BNC2: variants seen among roughly 807,000 people sequenced by gnomAD.
The protein encoded by BNC2 is zinc finger protein basonuclin-2.
Under a neutral mutation model 76.3 loss-of-function variants are expected in BNC2, and 20 were observed. The observed-to-expected ratio is 0.26, with a 90% CI of 0.18 to 0.38. The LOEUF is 0.38. BNC2 is among the 10% of genes least tolerant of loss of function. BNC2 has a pLI of 1.00. For synonymous variants in BNC2, 582 were observed against 514.8 expected (o/e 1.13, Z -1.77); for missense variants, 1,382 against 1,399.8 (o/e 0.99, Z 0.20).
chr9:16,499,297 G>C (rs1563811813), intron 5 of BNC2, among the ~76,000 whole-genome samples: 1 of 152,010 alleles, frequency 6.6e-6, no homozygotes, highest in Non-Finnish European at 1.5e-5. Context: ...TCAATGTGGA[G>C]GTTACTGCTT....
Position 16,548,715 on chromosome 9 carries a change from T to C in BNC2, c.669+3815A>G, listed in dbSNP as rs919531685. On this transcript the variant is annotated intron_variant, in intron 5 of 6. Coordinates refer to ENST00000380672, the MANE Select transcript of BNC2 (RefSeq NM_017637.6). ...CCACCACGCCTGGCCAGAATTATTC[T>C]TTAGTAGTAGAAAAACATCATATTC... is the stretch of plus-strand genomic sequence containing the variant. Among the ~76,000 whole-genome samples, 33 of 152,230 alleles carry C rather than the reference T, an allele frequency of 2.2e-4. 1 individual carries two copies. Among genetic ancestry groups the C allele is most frequent in the Non-Finnish European group, 1.3e-4 (9 of 68,040 alleles).
intron 5 of BNC2, among the ~76,000 whole-genome samples, chr9:16,539,759 GAAA>G: frequency 1.1e-5 from 1 of 90,444 alleles, no homozygotes; most frequent in South Asian, 5.1e-4. Context: ...GGAAGGAAAG[GAAA>G]GGAAAAGAAA....
At chr9:16,712,864 G>A (rs1166109436) in intron 3 of BNC2, among the ~76,000 whole-genome samples, 2 of 152,206 alleles carry the variant, frequency 1.3e-5, no homozygotes, top group African/African-American at 4.8e-5. Context: ...TAGCTTTAGG[G>A]TGACCTTTGC....
At chr9:16,801,598 C>T (rs1018133155) in intron 1 of BNC2, among the ~76,000 whole-genome samples, 1 of 152,006 alleles carries the variant, frequency 6.6e-6, no homozygotes. Context: ...ACCTCAAGTA[C>T]TTAACCTAGA....
intron 5 of BNC2, among the ~76,000 whole-genome samples, chr9:16,512,860 G>A (rs536380436): frequency 6.6e-6 from 1 of 152,098 alleles, no homozygotes; most frequent in Non-Finnish European, 1.5e-5. Context: ...ATATGGCTGG[G>A]CGTGGTGGCT....
intron 1 of BNC2, among the ~76,000 whole-genome samples, chr9:16,809,227 T>A (rs1322753672): frequency 1.3e-5 from 2 of 152,010 alleles, no homozygotes; most frequent in Non-Finnish European, 2.9e-5. Context: ...CTGTTGACAA[T>A]GAGATAAGAG....
At position 16,707,070 on chromosome 9, in the gene BNC2, T is replaced by C. The variant is rs536818026; in HGVS notation, c.330+20727A>G. ...ACAAAAAATTAGCCGGGCGTGATGGTGGGCGCCTGTAGTCCCAGCTAATCG... is the reference window on the plus strand; with the variant it reads ...ACAAAAAATTAGCCGGGCGTGATGGCGGGCGCCTGTAGTCCCAGCTAATCG... On this transcript the variant is annotated intron_variant, in intron 3 of 6. Coordinates refer to ENST00000380672, the MANE Select transcript of BNC2 (RefSeq NM_017637.6). 1.7e-3 allele frequency among the ~76,000 whole-genome samples: 257 copies of C among 152,076 alleles called. 1 individual carries two copies. Among genetic ancestry groups the C allele is most frequent in the African/African-American group, 6.0e-3 (249 of 41,490 alleles).
At chr9:16,842,207 T>C (rs777605728) in intron 1 of BNC2, among the ~76,000 whole-genome samples, 1 of 152,204 alleles carries the variant, frequency 6.6e-6, no homozygotes, top group Non-Finnish European at 1.5e-5. Context: ...TTTTAGTATC[T>C]TGCAAACTGT....
chr9:16,610,155 G>A (rs890989832), intron 3 of BNC2, among the ~76,000 whole-genome samples: 3 of 151,898 alleles, frequency 2.0e-5, no homozygotes, highest in African/African-American at 4.8e-5. Flanking sequence ...AAAACTGGGC[G>A]CACCATGTAA....
intron 6 of BNC2, chr9:16,434,785 T>A: frequency 2.2e-6 from 1 of 455,022 alleles, no homozygotes; most frequent in Non-Finnish European, 4.4e-6. Flanking sequence ...CTGGACATAA[T>A]ATATTCGTGC....
chr9:16,818,063 T>C (rs1206709983), intron 1 of BNC2, among the ~76,000 whole-genome samples: 2 of 151,854 alleles, frequency 1.3e-5, no homozygotes, highest in African/African-American at 4.8e-5. Flanking sequence ...AATGTGAAAT[T>C]GCAAGCAAAA....
At chr9:16,575,338 G>C in intron 4 of BNC2, 1 of 985,378 alleles carries the variant, frequency 1.0e-6, no homozygotes, top group South Asian at 4.7e-5. Flanking sequence ...CTTACCAGCA[G>C]ACCAGCAGTG....
At chr9:16,679,085 C>T (rs755657212) in intron 3 of BNC2, among the ~76,000 whole-genome samples, 5 of 152,196 alleles carry the variant, frequency 3.3e-5, no homozygotes, top group African/African-American at 4.8e-5. Flanking sequence ...GTACACAGAG[C>T]GAGGGCACCT....
chr9:16,566,511 G>T (rs57917080), intron 4 of BNC2, among the ~76,000 whole-genome samples: 4,657 of 152,152 alleles, frequency 0.031, 252 homozygotes, highest in African/African-American at 0.11. Context: ...AGTAAACTTG[G>T]CATATTTTCT....
chr9:16,847,125 G>T (rs1175842156), intron 1 of BNC2, among the ~76,000 whole-genome samples: 2 of 152,060 alleles, frequency 1.3e-5, no homozygotes, highest in African/African-American at 4.8e-5. Flanking sequence ...GATGTATGCT[G>T]CGGTAGGTCT....
At chr9:16,479,228 C>T (rs569837823) in intron 5 of BNC2, among the ~76,000 whole-genome samples, 3 of 135,826 alleles carry the variant, frequency 2.2e-5, no homozygotes, top group East Asian at 2.1e-4. Flanking sequence ...CCAGCCTGGG[C>T]GACAGAACGA....
intron 3 of BNC2, among the ~76,000 whole-genome samples, chr9:16,619,035 A>G (rs547654099): frequency 9.8e-5 from 15 of 152,340 alleles, no homozygotes; most frequent in Non-Finnish European, 2.1e-4. Context: ...CACCTAAGGT[A>G]TGCTGGGTGC....
At chr9:16,531,102 T>C (rs1817961092) in intron 5 of BNC2, among the ~76,000 whole-genome samples, 1 of 152,194 alleles carries the variant, frequency 6.6e-6, no homozygotes, top group Non-Finnish European at 1.5e-5. Context: ...ATGAAAATAA[T>C]AACAGTTTTA....
intron 2 of BNC2, among the ~76,000 whole-genome samples, chr9:16,733,297 T>G (rs2135059474): frequency 6.6e-6 from 1 of 152,326 alleles, no homozygotes; most frequent in Admixed American, 6.5e-5. Flanking sequence ...AGGAAAGAAG[T>G]TGACAGCAAG....
Sources: gnomAD v4.1 joint callset for allele counts (sites outside exome capture counted in the v4.1 genomes callset) on GRCh38, gnomAD v4.1.1 for gene constraint, MANE v1.5 for transcripts, NCBI Gene and HGNC (gene_info 2026-07-23, HGNC 2026-07-21) for gene names.